ASAH2: variants seen among roughly 807,000 people sequenced by gnomAD.
The protein encoded by ASAH2 is N-acylsphingosine amidohydrolase 2.
In ASAH2, 58 loss-of-function variants were observed where a neutral mutation model predicts 82.9. The observed-to-expected ratio is 0.70, with a 90% CI of 0.57 to 0.87. ASAH2 has a LOEUF of 0.87. ASAH2 is among the 40% of genes least tolerant of loss of function. The pLI is 0.00. For missense variants in ASAH2, 779 were observed against 834.0 expected (o/e 0.93, Z 0.81); for synonymous variants, 276 against 289.7 (o/e 0.95, Z 0.48).
intron 16 of ASAH2, among the ~76,000 whole-genome samples, chr10:50,201,959 C>G (rs1241849860): frequency 6.6e-6 from 1 of 152,032 alleles, no homozygotes; most frequent in Non-Finnish European, 1.5e-5. Flanking sequence ...GACAGAGGTA[C>G]TGCTAAAATA....
At chr10:50,235,446 A>C (rs1846133814) in intron 5 of ASAH2, among the ~76,000 whole-genome samples, 1 of 152,242 alleles carries the variant, frequency 6.6e-6, no homozygotes, top group Non-Finnish European at 1.5e-5. Flanking sequence ...CTGTATCTAT[A>C]CTAGAGAACT....
intron 4 of ASAH2, among the ~76,000 whole-genome samples, chr10:50,238,896 TA>T (rs1846223904): frequency 6.6e-6 from 1 of 152,116 alleles, no homozygotes; most frequent in African/African-American, 2.4e-5. Context: ...AAGCCAGACA[TA>T]TGGGACTTCT....
At chr10:50,237,722 T>C (rs199834705) in intron 4 of ASAH2, among the ~76,000 whole-genome samples, 71,916 of 152,062 alleles carry the variant, frequency 0.47, 17,762 homozygotes, top group East Asian at 0.66. Context: ...TGCTGAGTAT[T>C]TGTTGCTGAT....
chr10:50,206,606 A>T (rs1589327607), intron 12 of ASAH2, among the ~76,000 whole-genome samples: 1 of 151,172 alleles, frequency 6.6e-6, no homozygotes, highest in East Asian at 1.9e-4. Context: ...AATAAACTTC[A>T]TATGCATAAT....
chr10:50,211,841 AT>A (rs1845461025), intron 10 of ASAH2, among the ~76,000 whole-genome samples: 1 of 152,138 alleles, frequency 6.6e-6, no homozygotes, highest in East Asian at 1.9e-4. Context: ...GAGAGCTCTC[AT>A]AAGTCATCAG....
At chr10:50,216,143 A>C (rs1845593224) in intron 8 of ASAH2, among the ~76,000 whole-genome samples, 1 of 127,158 alleles carries the variant, frequency 7.9e-6, no homozygotes, top group African/African-American at 3.0e-5. Flanking sequence ...AACATCACAC[A>C]CTGGGGCCTG....
chr10:50,202,682 G>GGCTTATCA, intron 16 of ASAH2, 147 bp downstream of exon 16: 1 of 695,484 alleles, frequency 1.4e-6, no homozygotes. Context: ...TACGGCCTCT[G>GGCTTATCA]GCTTATCATC....
intron 18 of ASAH2, among the ~76,000 whole-genome samples, chr10:50,194,262 T>C (rs1844916200): frequency 6.6e-6 from 1 of 151,410 alleles, no homozygotes; most frequent in African/African-American, 2.4e-5. Flanking sequence ...CTCTACAATA[T>C]ATCAGCAAAT....
At position 50,186,248 on chromosome 10, in the gene ASAH2, A is replaced by C. The variant is rs1424639177; in HGVS notation, c.*1067T>G. 2.1e-5 allele frequency: 2 copies of C among 94,058 alleles called. No individual in the cohort carries two copies. Among genetic ancestry groups the C allele is most frequent in the Non-Finnish European group, 4.9e-5 (2 of 40,828 alleles). 5.8% of individuals were successfully genotyped at this position (94,058 alleles called of 1,614,324 possible). The stretch of plus-strand genomic sequence containing the variant: ...TCTCCTTCATAATAGTTACCTTTTG[A>C]CACTTACACATTCACCCCAAGTACA... On this transcript the variant is annotated 3_prime_UTR_variant, in exon 21 of 21. Transcript: ENST00000682911.
chr10:50,237,963 A>T (rs1354694449), intron 4 of ASAH2, among the ~76,000 whole-genome samples: 2 of 152,124 alleles, frequency 1.3e-5, no homozygotes, highest in East Asian at 3.9e-4. Flanking sequence ...AGAAAAAAAA[A>T]TCCAGCAAAA....
chr10:50,218,558 T>G lies in ASAH2; in HGVS notation c.966A>C (p.Ala322=), dbSNP rs1845668205. The change falls in exon 8 of 21, where the codon GCA becomes GCC. Residue 322 remains alanine (A), a synonymous_variant. Coordinates refer to ENST00000682911, the MANE Select transcript of ASAH2 (RefSeq NM_019893.4). Reference sequence around the variant, plus strand: ...TCTTCTCTTGCTCAAGCAGGTAAGATGCATAGCCCACATTGTCACTGTTTA... The same window carrying G: ...TCTTCTCTTGCTCAAGCAGGTAAGAGGCATAGCCCACATTGTCACTGTTTA... ...HLVNSDNVGY[A]SYLLEQEKNK... 6.2e-7 allele frequency: 1 copy of G among 1,613,722 alleles called. No homozygotes were observed. The highest frequency in any genetic ancestry group is 8.5e-7 in the Non-Finnish European group (1 of 1,179,748).
chr10:50,247,913 G>A (rs1589363780), intron 2 of ASAH2, among the ~76,000 whole-genome samples: 2 of 152,298 alleles, frequency 1.3e-5, no homozygotes, highest in Non-Finnish European at 2.9e-5. Context: ...GAGATCATGT[G>A]TTCTCTCTAC....
intron 3 of ASAH2, among the ~76,000 whole-genome samples, chr10:50,244,850 C>T (rs1846403382): frequency 2.0e-5 from 3 of 148,642 alleles, no homozygotes; most frequent in Admixed American, 2.0e-4. Flanking sequence ...TTTTTTTTTC[C>T]TCAAAGTTCC....
At chr10:50,210,518 C>T (rs911584313) in intron 12 of ASAH2, among the ~76,000 whole-genome samples, 9 of 151,684 alleles carry the variant, frequency 5.9e-5, no homozygotes, top group South Asian at 2.1e-4. Flanking sequence ...TAAATGCATG[C>T]TACAATATCA....
At chr10:50,199,721 A>G (rs1386947002) in intron 16 of ASAH2, among the ~76,000 whole-genome samples, 7 of 150,578 alleles carry the variant, frequency 4.6e-5, no homozygotes, top group South Asian at 4.3e-4. Context: ...AGCGAATGTC[A>G]TCTTTCCAGT....
At chr10:50,247,598 T>C (rs1172727264) in intron 2 of ASAH2, among the ~76,000 whole-genome samples, 1 of 152,106 alleles carries the variant, frequency 6.6e-6, no homozygotes, top group East Asian at 1.9e-4. Context: ...GTAGAGAATG[T>C]GCAGGAAAAG....
chr10:50,206,030 T>G lies in ASAH2; in HGVS notation c.1482A>C (p.Glu494Asp). 1 of 1,612,668 alleles carries G rather than the reference T, an allele frequency of 6.2e-7. No individual in the cohort carries two copies. The highest frequency in any genetic ancestry group is 8.5e-7 in the Non-Finnish European group (1 of 1,178,912). The change falls in exon 13 of 21, where the codon GAA becomes GAC. Residue 494 changes from glutamate (E) to aspartate (D), a missense_variant. By Grantham distance (45) the Glu-to-Asp change is conservative. This residue lies in a region of ASAH2 where 759 missense variants were observed against 755.2 expected (regional missense o/e 1.00). Coordinates refer to ENST00000682911, the MANE Select transcript of ASAH2 (RefSeq NM_019893.4). The stretch of plus-strand genomic sequence containing the variant: ...GCTTTGGTTTATGACATTCTTTAAT[T>G]TCTTCAGATGGCTTTCCCAGGATCT... ...RDQILGKPSE[E>D]IKECHKPKPI...
intron 7 of ASAH2, among the ~76,000 whole-genome samples, chr10:50,227,498 G>A (rs1401511461): frequency 6.6e-6 from 1 of 152,094 alleles, no homozygotes; most frequent in Non-Finnish European, 1.5e-5. Context: ...ATGAACAGAA[G>A]CAAATGCACC....
intron 17 of ASAH2, among the ~76,000 whole-genome samples, chr10:50,198,524 C>A (rs1845052156): frequency 1.3e-5 from 2 of 151,704 alleles, no homozygotes; most frequent in Non-Finnish European, 2.9e-5. Context: ...AAGCATGCTA[C>A]TAATTATAAT....
Sources: allele counts gnomAD v4.1 joint callset (sites outside exome capture counted in the v4.1 genomes callset), GRCh38; gene constraint gnomAD v4.1.1; regional missense constraint gnomAD v4.1.1; transcripts MANE v1.5; gene names NCBI Gene and HGNC (gene_info 2026-07-23, HGNC 2026-07-21).